Variants in NBEA observed in about 807,000 individuals in gnomAD.
NBEA encodes lysosomal-trafficking regulator 2.
NBEA carries 44 observed loss-of-function variants against 343.4 expected under a neutral mutation model. The ratio of observed to expected loss-of-function variants is 0.13; its 90% CI spans 0.10 to 0.16. The LOEUF is 0.16. NBEA is among the 10% of genes least tolerant of loss of function. The pLI is 1.00. For synonymous variants in NBEA, 1,175 were observed against 1,238.7 expected (o/e 0.95, Z 1.08); for missense variants, 2,555 against 3,631.3 (o/e 0.70, Z 7.62).
intron 33 of NBEA, among the ~76,000 whole-genome samples, chr13:35,221,348 A>C (rs539619386): frequency 8.9e-4 from 135 of 151,926 alleles, no homozygotes; most frequent in African/African-American, 2.7e-3. Flanking sequence ...ATTTCAAAAA[A>C]AAAAACAAAA....
intron 41 of NBEA, among the ~76,000 whole-genome samples, chr13:35,506,971 G>C (rs4500590): frequency 6.6e-6 from 1 of 151,696 alleles, no homozygotes; most frequent in Non-Finnish European, 1.5e-5. Flanking sequence ...TCCCCTTCTG[G>C]CTACTGTCCC....
At chr13:35,189,540 G>A (rs952622250) in intron 30 of NBEA, among the ~76,000 whole-genome samples, 8 of 151,786 alleles carry the variant, frequency 5.3e-5, no homozygotes, top group African/African-American at 1.7e-4. Flanking sequence ...TAGGATTTAT[G>A]AGAAGAAAAG....
intron 39 of NBEA, among the ~76,000 whole-genome samples, chr13:35,440,796 A>G (rs565331288): frequency 1.1e-4 from 16 of 152,220 alleles, no homozygotes; most frequent in African/African-American, 3.1e-4. Context: ...CAACCCAAAT[A>G]CCAGTCTCTT....
chr13:35,321,969 G>A (rs907129574), intron 36 of NBEA, among the ~76,000 whole-genome samples: 1 of 152,266 alleles, frequency 6.6e-6, no homozygotes, highest in African/African-American at 2.4e-5. Context: ...AGGGTCCCAG[G>A]TTGACTTCAG....
intron 39 of NBEA, among the ~76,000 whole-genome samples, chr13:35,435,031 G>A (rs748407716): frequency 8.5e-5 from 13 of 152,060 alleles, no homozygotes; most frequent in Non-Finnish European, 1.3e-4. Flanking sequence ...GTTTGTTTTT[G>A]TTTGTTTGTT....
rs1194343241 is a variant in NBEA at position 35,298,227 on chromosome 13, A to G, written c.5838+7777A>G. On this transcript the variant is annotated intron_variant, in intron 35 of 58. Transcript: ENST00000379939. ...TGTGTGTGTGTATATATATATATAT[A>G]TATATATATATATATATATATGTAT... Among the ~76,000 whole-genome samples, 1,028 of 138,590 alleles carry G rather than the reference A, an allele frequency of 7.4e-3. 6 individuals carry two copies. The highest frequency in any genetic ancestry group is 0.022 in the East Asian group (110 of 4,940). The allele number at this position is 138,590 out of a possible 152,430, so 90.9% of individuals were successfully genotyped here.
intron 31 of NBEA, among the ~76,000 whole-genome samples, chr13:35,208,288 C>A (rs1019818095): frequency 6.6e-6 from 1 of 152,056 alleles, no homozygotes; most frequent in African/African-American, 2.4e-5. Flanking sequence ...TATGTTTTTA[C>A]ATATTTATGA....
chr13:35,455,977 C>G (rs896264906), intron 40 of NBEA, among the ~76,000 whole-genome samples: 18 of 151,946 alleles, frequency 1.2e-4, no homozygotes, highest in African/African-American at 4.1e-4. Flanking sequence ...ATGACATCTT[C>G]TGTTTATAAC....
At chr13:35,478,931 GGGATGCCGGTCGGGCCTGGCT>G (rs1311116606) in intron 41 of NBEA, among the ~76,000 whole-genome samples, 1 of 152,260 alleles carries the variant, frequency 6.6e-6, no homozygotes, top group Non-Finnish European at 1.5e-5. Context: ...GGGCCTGCGA[GGGATGCCGGTCGGGCCTGGCT>G]GGAGCCAGGC....
At chr13:34,983,327 T>A (rs2060425710) in intron 1 of NBEA, among the ~76,000 whole-genome samples, 1 of 152,160 alleles carries the variant, frequency 6.6e-6, no homozygotes, top group African/African-American at 2.4e-5. Flanking sequence ...TCCAGCTGCA[T>A]CCATGTCCCT....
intron 29 of NBEA, 132 bp downstream of exon 29, chr13:35,182,660 TA>T: frequency 1.2e-6 from 1 of 830,972 alleles, no homozygotes; most frequent in Non-Finnish European, 1.8e-6. Flanking sequence ...ATAGAAATGC[TA>T]ATTTAGTATT....
intron 41 of NBEA, among the ~76,000 whole-genome samples, chr13:35,491,844 A>G (rs948851493): frequency 1.5e-4 from 23 of 151,996 alleles, no homozygotes; most frequent in African/African-American, 5.3e-4. Context: ...AAACTAACAG[A>G]TATGACTATC....
chr13:35,361,635 G>A (rs1008252505), intron 38 of NBEA, among the ~76,000 whole-genome samples: 5 of 151,916 alleles, frequency 3.3e-5, no homozygotes, highest in Admixed American at 3.3e-4. Flanking sequence ...CTTGTTTTGG[G>A]CAAAGAGTTA....
chr13:35,217,389 G>A (rs977429339), intron 33 of NBEA, among the ~76,000 whole-genome samples: 2 of 151,856 alleles, frequency 1.3e-5, no homozygotes, highest in Non-Finnish European at 2.9e-5. Context: ...TGGCTTGTCA[G>A]ATTTACCTTT....
rs768996415 is a variant in NBEA at position 35,055,995 on chromosome 13, A to AT, written c.973-8dup. On this transcript the variant is annotated splice_polypyrimidine_tract_variant and intron_variant, in intron 6 of 58. Coordinates refer to ENST00000379939, the MANE Select transcript of NBEA (RefSeq NM_001385012.1). Reference sequence around the variant, plus strand: ...CAAACATTACATATTGATATATTTAATTTTTTTATTTAAGTGGTACATGAT... The same window carrying AT: ...CAAACATTACATATTGATATATTTAATTTTTTTTATTTAAGTGGTACATGAT... 4.6e-5 allele frequency: 72 copies of AT among 1,563,610 alleles called. 2 individuals carry two copies. The highest frequency in any genetic ancestry group is 4.0e-4 in the South Asian group (32 of 80,556).
At chr13:34,979,667 G>A (rs2060292994) in intron 1 of NBEA, among the ~76,000 whole-genome samples, 1 of 152,042 alleles carries the variant, frequency 6.6e-6, no homozygotes. Flanking sequence ...TTTTTTAAAA[G>A]TCTGTATATT....
intron 10 of NBEA, among the ~76,000 whole-genome samples, chr13:35,078,881 G>A (rs1376087207): frequency 6.6e-6 from 1 of 152,088 alleles, no homozygotes; most frequent in African/African-American, 2.4e-5. Context: ...AATTAGTGGG[G>A]TGTGGTGGCA....
At chr13:35,071,461 T>TA (rs921779303) in intron 10 of NBEA, among the ~76,000 whole-genome samples, 42 of 151,676 alleles carry the variant, frequency 2.8e-4, no homozygotes, top group Admixed American at 5.9e-4. Context: ...TCTCTTTTAT[T>TA]AAAAAAAACC....
chr13:35,200,163 C>A (rs1258018949), intron 31 of NBEA, among the ~76,000 whole-genome samples: 1 of 151,770 alleles, frequency 6.6e-6, no homozygotes, highest in Non-Finnish European at 1.5e-5. Context: ...AATCAAGTTG[C>A]CAAGTTCTCT....
Sources: allele counts gnomAD v4.1 joint callset (sites outside exome capture counted in the v4.1 genomes callset), GRCh38; gene constraint gnomAD v4.1.1; transcripts MANE v1.5; gene names NCBI Gene and HGNC (gene_info 2026-07-23, HGNC 2026-07-21).